The following PTPN3 variants were observed in gnomAD, a reference collection of about 807,000 sequenced individuals.
PTPN3 encodes the protein protein tyrosine phosphatase non-receptor type 3, also known as tyrosine-protein phosphatase non-receptor type 3.
In PTPN3, 96 loss-of-function variants were observed where a neutral mutation model predicts 132.7. The observed-to-expected ratio is 0.72, with a 90% CI of 0.61 to 0.86. The LOEUF is 0.86. Ranked by LOEUF, PTPN3 falls within the 40% of genes least tolerant of loss-of-function variation. The pLI, the probability that PTPN3 is intolerant of heterozygous loss-of-function variation, is 0.00. For synonymous variants in PTPN3, 398 were observed against 429.0 expected, an observed-to-expected ratio of 0.93 and a Z score of 0.89; for missense variants, 1,125 against 1,159.6, an observed-to-expected ratio of 0.97 and a Z score of 0.43.
chr9:109,515,609 G>T, the PTPN3 span, among the ~76,000 whole-genome samples: 2 of 152,158 alleles, frequency 1.3e-5, no homozygotes, highest in Non-Finnish European at 2.9e-5. Flanking sequence ...TTGGCTCATG[G>T]TTCTGCAGGC....
At chr9:109,462,639 T>C (rs1845901765) in intron 2 of PTPN3, among the ~76,000 whole-genome samples, 1 of 151,980 alleles carries the variant, frequency 6.6e-6, no homozygotes, top group Admixed American at 6.5e-5. Flanking sequence ...TAGGCAGCCA[T>C]GGTCCCAGTA....
chr9:109,421,987 G>A (rs1481727403), intron 13 of PTPN3, among the ~76,000 whole-genome samples: 1 of 152,158 alleles, frequency 6.6e-6, no homozygotes, highest in Non-Finnish European at 1.5e-5. Context: ...ATGTCTTTGA[G>A]GACCATTATA....
chr9:109,524,227 GA>G, the PTPN3 span, among the ~76,000 whole-genome samples: 1 of 152,006 alleles, frequency 6.6e-6, no homozygotes, highest in African/African-American at 2.4e-5. Flanking sequence ...CTGGGAAACA[GA>G]GTGGGACCTT....
chr9:109,524,819 C>A, the PTPN3 span, among the ~76,000 whole-genome samples: 3 of 152,164 alleles, frequency 2.0e-5, no homozygotes, highest in South Asian at 2.1e-4. Context: ...CTCACTGCAA[C>A]CTTTGCCTCC....
the PTPN3 span, among the ~76,000 whole-genome samples, chr9:109,526,509 C>CA: frequency 2.6e-5 from 4 of 151,574 alleles, no homozygotes; most frequent in Non-Finnish European, 5.9e-5. Context: ...CTGATTTCTA[C>CA]AAAAAAAGTC....
chr9:109,518,463 G>A, the PTPN3 span, among the ~76,000 whole-genome samples: 1 of 152,158 alleles, frequency 6.6e-6, no homozygotes, highest in Non-Finnish European at 1.5e-5. Context: ...TTTGGCCATA[G>A]GATGCTCCCA....
At chr9:109,485,843 C>T (rs1396796380) in intron 1 of PTPN3, among the ~76,000 whole-genome samples, 1 of 152,248 alleles carries the variant, frequency 6.6e-6, no homozygotes, top group African/African-American at 2.4e-5. Flanking sequence ...CCCCGACTCC[C>T]ATACACCTAT....
the PTPN3 span, among the ~76,000 whole-genome samples, chr9:109,526,543 C>T: frequency 6.6e-6 from 1 of 152,018 alleles, no homozygotes; most frequent in Non-Finnish European, 1.5e-5. Flanking sequence ...ACCATAGTGG[C>T]ACACACCTGT....
At chr9:109,497,937 G>A (rs1412046612) in intron 1 of PTPN3, among the ~76,000 whole-genome samples, 1 of 147,578 alleles carries the variant, frequency 6.8e-6, no homozygotes, top group Non-Finnish European at 1.5e-5. Flanking sequence ...GCACGCCCAC[G>A]CTCCGGCGCC....
chr9:109,392,080 A>C (rs767994540), intron 19 of PTPN3, among the ~76,000 whole-genome samples: 9 of 152,210 alleles, frequency 5.9e-5, no homozygotes, highest in Non-Finnish European at 1.2e-4. Context: ...TTCCCTACAC[A>C]TGTAATCACT....
chr9:109,453,842 C>T (rs1011796122), intron 5 of PTPN3, among the ~76,000 whole-genome samples: 3 of 64,210 alleles, frequency 4.7e-5, no homozygotes, highest in Non-Finnish European at 8.6e-5. Context: ...ACCCCATCTC[C>T]GTTAAAAAAA....
At chr9:109,529,413 A>G in the PTPN3 span, among the ~76,000 whole-genome samples, 1 of 150,688 alleles carries the variant, frequency 6.6e-6, no homozygotes, top group Non-Finnish European at 1.5e-5. Context: ...AAGTCTGAGA[A>G]CCACTGTCCG....
At position 109,454,495 on chromosome 9, in the gene PTPN3, C is replaced by T. The variant is rs1345346734; in HGVS notation, c.368+1G>A. ...AGAAAACTTTAAAAAAATGTTGTTA[C>T]CTGGTTTGTTCTTGCTGCAGTGTGT... On this transcript the variant is annotated splice_donor_variant, in intron 5 of 25. Transcript: ENST00000374541. LOFTEE classifies it high-confidence loss of function. 3.7e-6 allele frequency: 6 copies of T among 1,610,698 alleles called. No individual in the cohort carries two copies. In the Admixed American group the frequency reaches 8.3e-5, roughly 22 times the overall value.
At chr9:109,500,623 G>GAA (rs34983104), upstream of PTPN3, among the ~76,000 whole-genome samples, 435 of 143,876 alleles carry the variant, frequency 3.0e-3, no homozygotes, top group South Asian at 4.2e-3. Context: ...AATGTTAAAT[G>GAA]AAAAAAAAAA....
chr9:109,408,792 AAAAAAT>A (rs1341333508), intron 16 of PTPN3, among the ~76,000 whole-genome samples: 76 of 62,394 alleles, frequency 1.2e-3, no homozygotes, highest in African/African-American at 1.8e-3. Flanking sequence ...AAAAAAAAAA[AAAAAAT>A]ATATATATAT....
intron 7 of PTPN3, among the ~76,000 whole-genome samples, chr9:109,439,856 C>A (rs1466356062): frequency 6.6e-6 from 1 of 151,860 alleles, no homozygotes; most frequent in Non-Finnish European, 1.5e-5. Context: ...TTGCAGTGAA[C>A]CGAGACTGAG....
the PTPN3 span, chr9:109,533,078 T>G: frequency 4.2e-6 from 1 of 235,332 alleles, no homozygotes; most frequent in African/African-American, 2.5e-5. Context: ...GCCTCAGCCT[T>G]CTGAGTAGCT....
At chr9:109,427,909 A>G (rs542886093) in intron 11 of PTPN3, among the ~76,000 whole-genome samples, 1 of 152,342 alleles carries the variant, frequency 6.6e-6, no homozygotes, top group East Asian at 1.9e-4. Flanking sequence ...ATTCGTAATG[A>G]TCTGGTTAAA....
At chr9:109,415,313 G>A (rs1370211262) in intron 14 of PTPN3, among the ~76,000 whole-genome samples, 1 of 152,158 alleles carries the variant, frequency 6.6e-6, no homozygotes, top group African/African-American at 2.4e-5. Context: ...TACTGTGTAA[G>A]GCCAGGAGAG....
Sources: gnomAD v4.1 joint callset for allele counts (sites outside exome capture counted in the v4.1 genomes callset) on GRCh38, gnomAD v4.1.1 for gene constraint, MANE v1.5 for transcripts, NCBI Gene and HGNC (gene_info 2026-07-23, HGNC 2026-07-21) for gene names.